Variants in TJP2 observed in about 807,000 individuals in gnomAD.
TJP2 encodes Friedreich ataxia region gene X104 (tight junction protein ZO-2).
Under a neutral mutation model 133.1 loss-of-function variants are expected in TJP2, and 91 were observed. The ratio of observed to expected loss-of-function variants is 0.68; its 90% confidence interval spans 0.58 to 0.81. The LOEUF (loss-of-function observed/expected upper bound fraction) is 0.81. Ranked by LOEUF, TJP2 falls within the 40% of genes least tolerant of loss-of-function variation. The probability of loss-of-function intolerance (pLI) is 0.00; values close to 1 mark genes in which losing one functional copy is unlikely to be tolerated. For missense variants in TJP2, 1,541 were observed against 1,565.6 expected (o/e 0.98, Z 0.26); for synonymous variants, 592 against 583.4 (o/e 1.01, Z -0.21).
chr9:69,225,593 A>G (rs1300044149), intron 6 of TJP2, among the ~76,000 whole-genome samples, 186 bp downstream of exon 6: 1 of 152,170 alleles, frequency 6.6e-6, no homozygotes, highest in African/African-American at 2.4e-5. Context: ...GTAACAGTTT[A>G]ATGTCAGTTT....
At chr9:69,131,183 G>A (rs1363480137) in intron 1 of TJP2, among the ~76,000 whole-genome samples, 1 of 152,170 alleles carries the variant, frequency 6.6e-6, no homozygotes, top group Non-Finnish European at 1.5e-5. Flanking sequence ...ATTTCTTTGT[G>A]CGAGGAGTGA....
At chr9:69,232,615 G>C (rs1829872061) in intron 11 of TJP2, among the ~76,000 whole-genome samples, 1 of 152,098 alleles carries the variant, frequency 6.6e-6, no homozygotes, top group African/African-American at 2.4e-5. Flanking sequence ...GTTTTGCAAA[G>C]GTGACAGCCT....
chr9:69,229,020 C>T (rs1188379490), intron 9 of TJP2, among the ~76,000 whole-genome samples, 164 bp from the exon 10 acceptor site: 1 of 152,140 alleles, frequency 6.6e-6, no homozygotes, highest in East Asian at 1.9e-4. Flanking sequence ...ACCATTGGCA[C>T]CTGCTAATAC....
chr9:69,176,191 G>C (rs577504960), intron 1 of TJP2, among the ~76,000 whole-genome samples: 35 of 152,316 alleles, frequency 2.3e-4, no homozygotes, highest in African/African-American at 7.9e-4. Context: ...AAGGGCATTT[G>C]AACAGTTACC....
At chr9:69,232,847 T>C (rs1194435332) in intron 11 of TJP2, among the ~76,000 whole-genome samples, 2 of 152,222 alleles carry the variant, frequency 1.3e-5, no homozygotes, top group African/African-American at 2.4e-5. Flanking sequence ...ATAACTACCA[T>C]GTGTGCTTTA....
rs1554659207 is a variant in TJP2, at chr9:69,216,346, A to G, written c.122A>G (p.Lys41Arg). ...QYTVTLQKDS[K>R]RGFGIAVSGG... ...CTCCTCTCTGATGTACAGGATTCCA[A>G]AAGAGGATTTGGAATTGCAGTGTCC... The change falls in exon 3 of 23, where the codon AAA (lysine) becomes AGA (arginine). Residue 41 changes from lysine (K) to arginine (R), a missense_variant. By Grantham distance (26) the Lys-to-Arg change is conservative. Coordinates refer to ENST00000377245, the MANE Select transcript of TJP2 (RefSeq NM_004817.4). 3 of 1,614,134 alleles carry G rather than the reference A, an allele frequency of 1.9e-6. No individual in the cohort carries two copies. The highest frequency in any genetic ancestry group is 2.5e-6 in the Non-Finnish European group (3 of 1,180,018).
intron 1 of TJP2, among the ~76,000 whole-genome samples, chr9:69,140,372 C>G (rs1822967695): frequency 6.6e-6 from 1 of 152,192 alleles, no homozygotes; most frequent in Admixed American, 6.5e-5. Context: ...GAGACATTGA[C>G]TCTTCCAAAG....
intron 12 of TJP2, among the ~76,000 whole-genome samples, chr9:69,235,544 G>T (rs186272307): frequency 6.6e-6 from 1 of 151,854 alleles, no homozygotes; most frequent in Non-Finnish European, 1.5e-5. Context: ...GGATGGTCTC[G>T]ATCTCCTGAC....
At chr9:69,159,705 C>T (rs993573746) in intron 2 of TJP2, among the ~76,000 whole-genome samples, 5 of 151,782 alleles carry the variant, frequency 3.3e-5, no homozygotes, top group Admixed American at 6.6e-5. Context: ...GGTGAAACCC[C>T]GTCTCTACCA....
At chr9:69,209,248 T>C (rs544709876) in intron 1 of TJP2, among the ~76,000 whole-genome samples, 1 of 152,264 alleles carries the variant, frequency 6.6e-6, no homozygotes, top group East Asian at 1.9e-4. Flanking sequence ...TTCTCTTGCT[T>C]CAGCCTCCCA....
At chr9:69,221,952 A>G (rs573415553) in intron 5 of TJP2, among the ~76,000 whole-genome samples, 32 of 149,044 alleles carry the variant, frequency 2.1e-4, no homozygotes, top group African/African-American at 6.7e-4. Flanking sequence ...GCTCACTGCA[A>G]CCTCCGCCTC....
At chr9:69,238,666 T>A (rs767808399) in intron 15 of TJP2, 44 bp from the exon 16 acceptor site, 1 of 1,526,982 alleles carries the variant, frequency 6.5e-7, no homozygotes, top group South Asian at 1.1e-5. Context: ...TGGTTGTCAC[T>A]GTTTTCTAAA....
chr9:69,210,943 C>G (rs4745700), intron 1 of TJP2, among the ~76,000 whole-genome samples: 140,871 of 152,116 alleles, frequency 0.93, 65,230 homozygotes, highest in Middle Eastern at 0.95. Flanking sequence ...GCACAGGCTG[C>G]CCTTGAACTC....
intron 1 of TJP2, among the ~76,000 whole-genome samples, chr9:69,195,481 TGACCA>T (rs1222188938): frequency 3.9e-5 from 6 of 152,168 alleles, no homozygotes; most frequent in Non-Finnish European, 7.4e-5. Flanking sequence ...ATTCAAATTG[TGACCA>T]GGCACCTGTT....
At chr9:69,187,615 A>G (rs1185798088) in intron 1 of TJP2, among the ~76,000 whole-genome samples, 2 of 152,252 alleles carry the variant, frequency 1.3e-5, no homozygotes, top group Admixed American at 1.3e-4. Context: ...AATTAGATAC[A>G]GGCTTCAGTG....
chr9:69,251,498 T>C, intron 21 of TJP2, 134 bp downstream of exon 21: 1 of 933,784 alleles, frequency 1.1e-6, no homozygotes, highest in Non-Finnish European at 1.6e-6. Flanking sequence ...GTGCTGTGTA[T>C]GTCACTTCAG....
At chr9:69,163,016 C>G (rs1564392637) in intron 2 of TJP2, among the ~76,000 whole-genome samples, 1 of 140,246 alleles carries the variant, frequency 7.1e-6, no homozygotes, top group East Asian at 2.0e-4. Context: ...TAAAAAGTAT[C>G]TTTATTTTAT....
At chr9:69,247,259 T>C (rs769617847) in intron 18 of TJP2, among the ~76,000 whole-genome samples, 5 of 152,204 alleles carry the variant, frequency 3.3e-5, no homozygotes, top group Non-Finnish European at 7.3e-5. Flanking sequence ...ATGGGTGATA[T>C]GAGAACGTTA....
intron 1 of TJP2, among the ~76,000 whole-genome samples, chr9:69,198,515 G>T (rs1826761160): frequency 1.3e-5 from 2 of 152,124 alleles, no homozygotes; most frequent in Non-Finnish European, 2.9e-5. Context: ...AGGAGAATGT[G>T]GTTAAAAAAC....
Sources: gnomAD v4.1 joint callset for allele counts (sites outside exome capture counted in the v4.1 genomes callset) on GRCh38, gnomAD v4.1.1 for gene constraint, MANE v1.5 for transcripts, NCBI Gene and HGNC (gene_info 2026-07-23, HGNC 2026-07-21) for gene names.